Variants in SLC12A6 observed in about 807,000 individuals in gnomAD.
SLC12A6 encodes the protein solute carrier family 12 member 6.
Under a neutral mutation model 135.3 loss-of-function variants are expected in SLC12A6, and 66 were observed. The ratio of observed to expected loss-of-function variants is 0.49; its 90% confidence interval spans 0.40 to 0.60. The LOEUF is 0.60. SLC12A6 is among the 20% of genes least tolerant of loss of function. The probability of loss-of-function intolerance (pLI) is 0.00; values close to 1 mark genes in which losing one functional copy is unlikely to be tolerated. For synonymous variants in SLC12A6, 513 were observed against 508.8 expected (o/e 1.01, Z -0.11); for missense variants, 1,058 against 1,452.3 (o/e 0.73, Z 4.41).
At chr15:34,326,177 T>C (rs1889443796) in intron 2 of SLC12A6, among the ~76,000 whole-genome samples, 1 of 152,182 alleles carries the variant, frequency 6.6e-6, no homozygotes, top group South Asian at 2.1e-4. Flanking sequence ...TGCCACCTTT[T>C]TCCTTAGTCT....
intron 15 of SLC12A6, 75 bp downstream of exon 15, chr15:34,245,210 A>G (rs1177208508): frequency 2.3e-6 from 2 of 857,586 alleles, no homozygotes; most frequent in East Asian, 2.4e-5. Context: ...CACTACTGTT[A>G]TATGACTGAT....
At chr15:34,240,004 G>T (rs914673945) in intron 19 of SLC12A6, among the ~76,000 whole-genome samples, 1 of 151,846 alleles carries the variant, frequency 6.6e-6, no homozygotes, top group Non-Finnish European at 1.5e-5. Context: ...CAACGTGCAG[G>T]TTTGTTACAT....
chr15:34,296,570 C>G (rs1394952392), intron 2 of SLC12A6, among the ~76,000 whole-genome samples: 1 of 152,092 alleles, frequency 6.6e-6, no homozygotes, highest in Non-Finnish European at 1.5e-5. Context: ...AGATAATTAT[C>G]TAAGGCACAA....
At chr15:34,286,520 C>G (rs905701635) in intron 2 of SLC12A6, among the ~76,000 whole-genome samples, 1 of 152,028 alleles carries the variant, frequency 6.6e-6, no homozygotes, top group East Asian at 1.9e-4. Context: ...CCTGCCCGGG[C>G]ACAGTGGCTC....
chr15:34,313,935 G>A (rs1275880022), intron 2 of SLC12A6, among the ~76,000 whole-genome samples: 1 of 140,720 alleles, frequency 7.1e-6, no homozygotes, highest in African/African-American at 2.7e-5. Flanking sequence ...TGAGACTCCT[G>A]TCTCTTAAAA....
rs1892349249 is a variant in SLC12A6, at chr15:34,250,992, C to A, written c.1399G>T (p.Asp467Tyr). The part of the protein sequence containing the change: ...IIEKPSAKSS[D>Y]VLGSLNHEYV... ...TCATGGTTTAAGCTGCCTAAGACATCAGAAGATTTGGCTGAAGGCTTTTCG... is the reference window on the plus strand; with the variant it reads ...TCATGGTTTAAGCTGCCTAAGACATAAGAAGATTTGGCTGAAGGCTTTTCG... The change falls in exon 11 of 26, where the codon GAT becomes TAT. Residue 467 changes from aspartate (D) to tyrosine (Y), a missense_variant. This residue lies in a region of SLC12A6 where 297 missense variants were observed against 318.5 expected (regional missense o/e 0.93). Transcript: ENST00000354181. 1 of 1,610,346 alleles carries A rather than the reference C, an allele frequency of 6.2e-7. No homozygotes were observed. The highest frequency in any genetic ancestry group is 1.3e-5 in the African/African-American group (1 of 74,724).
chr15:34,309,575 G>A (rs1595546945), intron 2 of SLC12A6, among the ~76,000 whole-genome samples: 1 of 152,248 alleles, frequency 6.6e-6, no homozygotes, highest in African/African-American at 2.4e-5. Context: ...AAATCAAAGT[G>A]TCTGAGATTG....
At chr15:34,287,051 G>C (rs1314904722) in intron 2 of SLC12A6, among the ~76,000 whole-genome samples, 1 of 151,666 alleles carries the variant, frequency 6.6e-6, no homozygotes. Context: ...GTGCAGTTTT[G>C]TTATACAGGT....
intron 2 of SLC12A6, among the ~76,000 whole-genome samples, chr15:34,308,630 C>CAAAAAAA (rs536506096): frequency 6.4e-4 from 40 of 62,918 alleles, no homozygotes; most frequent in African/African-American, 1.0e-3. Flanking sequence ...GTCCACCTGA[C>CAAAAAAA]AAAAAAAAAA....
At chr15:34,321,477 A>G (rs1397518264) in intron 2 of SLC12A6, among the ~76,000 whole-genome samples, 1 of 152,246 alleles carries the variant, frequency 6.6e-6, no homozygotes, top group Non-Finnish European at 1.5e-5. Context: ...AAAATTCCTA[A>G]GACCAAAAAC....
At chr15:34,307,262 AAAG>A (rs1397699498) in intron 2 of SLC12A6, among the ~76,000 whole-genome samples, 3 of 152,252 alleles carry the variant, frequency 2.0e-5, no homozygotes, top group African/African-American at 4.8e-5. Context: ...TCTAAAAAAT[AAAG>A]AAGAATACCT....
At chr15:34,330,115 T>C (rs1262918607) in intron 2 of SLC12A6, among the ~76,000 whole-genome samples, 1 of 152,160 alleles carries the variant, frequency 6.6e-6, no homozygotes, top group Non-Finnish European at 1.5e-5. Flanking sequence ...AAAAGTATCT[T>C]TTTTCAATTG....
At chr15:34,277,846 A>G (rs1894404045) in intron 2 of SLC12A6, among the ~76,000 whole-genome samples, 1 of 152,224 alleles carries the variant, frequency 6.6e-6, no homozygotes, top group South Asian at 2.1e-4. Flanking sequence ...TAATGTTTAT[A>G]GTTCTAAAAA....
chr15:34,255,668 C>T (rs933025851), intron 7 of SLC12A6, among the ~76,000 whole-genome samples: 5 of 152,124 alleles, frequency 3.3e-5, no homozygotes, highest in Admixed American at 1.3e-4. Flanking sequence ...TGACATGAGA[C>T]AGCCCAATAA....
intron 2 of SLC12A6, among the ~76,000 whole-genome samples, chr15:34,326,858 C>CTT (rs397963192): frequency 0.013 from 973 of 72,140 alleles, 261 homozygotes; most frequent in African/African-American, 0.076. Flanking sequence ...CAACTGGCTG[C>CTT]TTTTTTTTTT....
chr15:34,291,774 C>T (rs531741041), intron 2 of SLC12A6, among the ~76,000 whole-genome samples: 26 of 151,996 alleles, frequency 1.7e-4, no homozygotes, highest in African/African-American at 5.3e-4. Context: ...TTGATTGAAT[C>T]GGCTATTGAA....
chr15:34,245,494 A>AAC (rs1031257984), intron 14 of SLC12A6, 91 bp from the exon 15 acceptor site: 1 of 911,242 alleles, frequency 1.1e-6, no homozygotes, highest in Non-Finnish European at 1.9e-6. Context: ...TCTGGAAGAC[A>AAC]ACAGTGTTAC....
At chr15:34,331,021 GAC>G (rs1566877045) in intron 2 of SLC12A6, among the ~76,000 whole-genome samples, 4 of 149,458 alleles carry the variant, frequency 2.7e-5, no homozygotes. Context: ...CAGCCTGGGC[GAC>G]AGAGTGAGAC....
chr15:34,271,455 G>A (rs1482313056), intron 3 of SLC12A6, among the ~76,000 whole-genome samples: 1 of 151,666 alleles, frequency 6.6e-6, no homozygotes, highest in African/African-American at 2.4e-5. Flanking sequence ...TGAGGTAGTA[G>A]TTACTTGGTT....
Sources: allele counts gnomAD v4.1 joint callset (sites outside exome capture counted in the v4.1 genomes callset), GRCh38; gene constraint gnomAD v4.1.1; regional missense constraint gnomAD v4.1.1; transcripts MANE v1.5; gene names NCBI Gene and HGNC (gene_info 2026-07-23, HGNC 2026-07-21).